Variants in ATCAY observed in about 807,000 individuals in gnomAD.
The protein encoded by ATCAY is caytaxin.
ATCAY carries 22 observed loss-of-function variants against 47.7 expected under a neutral mutation model. That is an observed-to-expected ratio of 0.46 (90% CI 0.33 to 0.66). ATCAY has a LOEUF of 0.66. Among genes scored for constraint, ATCAY ranks in the 30% least tolerant of loss-of-function variants. The pLI, the probability that ATCAY is intolerant of heterozygous loss-of-function variation, is 0.02. For missense variants in ATCAY, 452 were observed against 515.0 expected, an observed-to-expected ratio of 0.88 and a Z score of 1.18; for synonymous variants, 216 against 207.6, an observed-to-expected ratio of 1.04 and a Z score of -0.35.
At chr19:3,920,670 T>C in intron 11 of ATCAY, 96 bp from the exon 12 acceptor site, 1 of 1,089,462 alleles carries the variant, frequency 9.2e-7, no homozygotes, top group Non-Finnish European at 1.2e-6. Context: ...TAATAATAAA[T>C]AAATAAAAAT....
intron 12 of ATCAY, 98 bp from the exon 13 acceptor site, chr19:3,924,485 T>G: frequency 6.9e-7 from 1 of 1,451,834 alleles, no homozygotes; most frequent in Non-Finnish European, 9.6e-7. Flanking sequence ...TCACCCACGC[T>G]GGGTGGGATC....
chr19:3,907,628 G>A lies in ATCAY; in HGVS notation c.359-106G>A. 2 of 1,367,078 alleles carry A rather than the reference G, an allele frequency of 1.5e-6. No homozygotes were observed. Among genetic ancestry groups the A allele is most frequent in the South Asian group, 1.3e-5 (1 of 78,110 alleles). The allele number at this position is 1,367,078 out of a possible 1,614,324, so 84.7% of individuals were successfully genotyped here. On this transcript the variant is annotated intron_variant, in intron 4 of 12. Transcript: ENST00000450849. This position sits in a 1 kb window ranked among gnomAD's most constrained non-coding sequence, Gnocchi z 5.1. ...AGGTGGGGAGAAGCGAAGGACTTGT[G>A]GGTCCCGGCAGCGAGGGAGGTGGGA...
chr19:3,897,370 G>C (rs936706696), intron 2 of ATCAY, among the ~76,000 whole-genome samples: 1 of 151,214 alleles, frequency 6.6e-6, no homozygotes, highest in Non-Finnish European at 1.5e-5. Context: ...CTCGATCATG[G>C]CTCACTGCAG....
chr19:3,887,703 G>GAA (rs2038673403), intron 2 of ATCAY, among the ~76,000 whole-genome samples: 1 of 150,372 alleles, frequency 6.7e-6, no homozygotes, highest in Admixed American at 6.6e-5. Context: ...AGCCAGGATG[G>GAA]TCTCGATCGT....
intron 2 of ATCAY, among the ~76,000 whole-genome samples, chr19:3,896,481 G>C (rs2038771161): frequency 6.6e-6 from 1 of 150,870 alleles, no homozygotes; most frequent in Non-Finnish European, 1.5e-5. Flanking sequence ...TGGCCAGGCT[G>C]GTCTTGAACT....
chr19:3,898,743 G>C (rs545652516), intron 2 of ATCAY, among the ~76,000 whole-genome samples: 1 of 152,050 alleles, frequency 6.6e-6, no homozygotes, highest in African/African-American at 2.4e-5. Flanking sequence ...GTGTAGTGGC[G>C]TGACTTCAGC....
intron 2 of ATCAY, among the ~76,000 whole-genome samples, chr19:3,887,115 G>A (rs557570085): frequency 2.6e-5 from 4 of 152,094 alleles, no homozygotes; most frequent in African/African-American, 7.2e-5. Flanking sequence ...GCATACAGTC[G>A]GCGCTTAACA....
At chr19:3,900,118 G>A (rs1225315930) in intron 2 of ATCAY, among the ~76,000 whole-genome samples, 1 of 151,470 alleles carries the variant, frequency 6.6e-6, no homozygotes, top group Non-Finnish European at 1.5e-5. Context: ...GATCAATATT[G>A]GTTATTAGTT....
chr19:3,912,742 C>T (rs137986574), intron 8 of ATCAY, among the ~76,000 whole-genome samples: 3,274 of 151,820 alleles, frequency 0.022, 99 homozygotes, highest in African/African-American at 0.073. Context: ...TTTAATTAGC[C>T]AGGCCTGGTG....
In ATCAY at chr19:3,916,494, G is replaced by T. The variant is rs114955200; in HGVS notation, c.966-1248G>T. Among the ~76,000 whole-genome samples the T allele has an allele frequency of 9.9e-3, 1,505 of 152,076 alleles. 27 individuals are homozygous for T. Among genetic ancestry groups the T allele is most frequent in the African/African-American group, 0.034 (1,402 of 41,474 alleles). On this transcript the variant is annotated intron_variant, in intron 9 of 12. Transcript: ENST00000450849. ...CCACCATACTGTTTTGTTTTGTTTTGCTTTGCTTTGCTTTTTTGAGACGGA... is the reference window on the plus strand; with the variant it reads ...CCACCATACTGTTTTGTTTTGTTTTTCTTTGCTTTGCTTTTTTGAGACGGA...
At chr19:3,897,331 G>A (rs561802198) in intron 2 of ATCAY, among the ~76,000 whole-genome samples, 20 of 145,834 alleles carry the variant, frequency 1.4e-4, no homozygotes, top group Non-Finnish European at 2.8e-4. Context: ...ATATCGCCTC[G>A]CTCTGTCATC....
At chr19:3,885,123 A>C (rs1216368055) in intron 1 of ATCAY, among the ~76,000 whole-genome samples, 17 of 149,584 alleles carry the variant, frequency 1.1e-4, no homozygotes, top group South Asian at 4.2e-4. Context: ...AAAAAAAAAA[A>C]AAAAAAAAAA....
intron 9 of ATCAY, among the ~76,000 whole-genome samples, chr19:3,915,094 T>C (rs1206904260): frequency 3.3e-5 from 5 of 152,180 alleles, no homozygotes; most frequent in Non-Finnish European, 7.3e-5. Context: ...AAAATCTCCT[T>C]AAACGTACAT....
At chr19:3,913,270 G>A (rs2038937951) in intron 8 of ATCAY, among the ~76,000 whole-genome samples, 1 of 152,124 alleles carries the variant, frequency 6.6e-6, no homozygotes. Context: ...CCTGGGTGAA[G>A]AGCAAGACTC....
chr19:3,899,505 G>T (rs2038797267), intron 2 of ATCAY, among the ~76,000 whole-genome samples: 1 of 151,704 alleles, frequency 6.6e-6, no homozygotes, highest in Admixed American at 6.6e-5. Context: ...AGTAGAGACT[G>T]GGTTTCACCA....
intron 1 of ATCAY, 121 bp from the exon 2 acceptor site, chr19:3,885,606 G>C (rs1430207998): frequency 5.1e-6 from 3 of 593,096 alleles, no homozygotes; most frequent in Non-Finnish European, 9.1e-6. Context: ...AGGAGAGAGG[G>C]GGAGGGGAAG....
At chr19:3,912,717 C>T (rs1352696983) in intron 8 of ATCAY, among the ~76,000 whole-genome samples, 2 of 150,790 alleles carry the variant, frequency 1.3e-5, no homozygotes, top group Non-Finnish European at 3.0e-5. Flanking sequence ...TCCATCTCTA[C>T]AAAAAAAAAT....
chr19:3,915,779 T>A (rs1479227773), intron 9 of ATCAY, among the ~76,000 whole-genome samples: 1 of 133,286 alleles, frequency 7.5e-6, no homozygotes, highest in Non-Finnish European at 1.6e-5. Flanking sequence ...GGTCTCGAAC[T>A]CCCGACCTCA....
intron 12 of ATCAY, among the ~76,000 whole-genome samples, chr19:3,924,370 C>G (rs564025088): frequency 6.6e-6 from 1 of 152,236 alleles, no homozygotes; most frequent in African/African-American, 2.4e-5. Context: ...TCTCCAGGGC[C>G]TGTTCTGCTG....
Sources: gnomAD v4.1 joint callset for allele counts (sites outside exome capture counted in the v4.1 genomes callset) on GRCh38, gnomAD v4.1.1 for gene constraint, Gnocchi (gnomAD v3.1) non-coding constraint, MANE v1.5 for transcripts, NCBI Gene and HGNC (gene_info 2026-07-23, HGNC 2026-07-21) for gene names.